The following KIZ variants were observed in gnomAD, a reference collection of about 807,000 sequenced individuals.
KIZ encodes the protein kizuna centrosomal protein.
A neutral mutation model predicts 79.6 loss-of-function variants in KIZ; 68 were observed. The ratio of observed to expected loss-of-function variants is 0.85; its 90% confidence interval spans 0.70 to 1.05. KIZ has a LOEUF of 1.05. Ranked by LOEUF, KIZ falls within the 50% of genes least tolerant of loss-of-function variation. The probability of loss-of-function intolerance (pLI) is 0.00; values close to 1 mark genes in which losing one functional copy is unlikely to be tolerated. For missense variants in KIZ, 797 were observed against 800.4 expected (o/e 1.00, Z 0.05); for synonymous variants, 280 against 281.8 (o/e 0.99, Z 0.06).
chr20:21,222,665 C>A (rs893071235), intron 9 of KIZ, among the ~76,000 whole-genome samples: 2 of 152,182 alleles, frequency 1.3e-5, no homozygotes, highest in South Asian at 4.1e-4. Context: ...AGGGCCCTTG[C>A]CTCTGAAGGT....
In KIZ at chr20:21,232,981, T is replaced by C. The variant is rs530129659; in HGVS notation, c.1880+151T>C. On this transcript the variant is annotated intron_variant, in intron 11 of 12. Coordinates refer to ENST00000619189, the MANE Select transcript of KIZ (RefSeq NM_018474.6). ...TTATCTAAAATAACAGTTGAAACTT[T>C]AGTCTACCTTTGAAAATATTTGCAC... The C allele has an allele frequency of 5.0e-6, 3 of 601,488 alleles. No homozygotes were observed. The East Asian group carries it at 8.4e-5, about 17-fold the overall frequency. The allele number at this position is 601,488 out of a possible 1,614,324, so 37.3% of individuals were successfully genotyped here. A position where few individuals can be genotyped will look rare whatever the true frequency, so the allele number is the denominator to read the frequency against.
chr20:21,138,908 T>G (rs1014554098), intron 3 of KIZ: 2 of 150,462 alleles, frequency 1.3e-5, no homozygotes, highest in Non-Finnish European at 3.0e-5. Flanking sequence ...GTTTTCCCCC[T>G]TTTCTTTCTT....
At chr20:21,188,924 G>C (rs1600490809) in intron 6 of KIZ, among the ~76,000 whole-genome samples, 1 of 151,906 alleles carries the variant, frequency 6.6e-6, no homozygotes, top group Non-Finnish European at 1.5e-5. Context: ...CAGCCAGGAT[G>C]GTCTCGATCT....
chr20:21,143,469 A>G (rs914426477), intron 3 of KIZ, among the ~76,000 whole-genome samples: 4 of 152,226 alleles, frequency 2.6e-5, no homozygotes, highest in African/African-American at 9.7e-5. Context: ...AATCCCAGAG[A>G]CCTGAAACTT....
intron 6 of KIZ, chr20:21,195,999 A>G (rs1459870263): frequency 6.6e-6 from 1 of 152,588 alleles, no homozygotes; most frequent in East Asian, 1.9e-4. Context: ...CCTACAGCAC[A>G]AAGTCAGTCT....
At chr20:21,202,522 C>A (rs1025175152) in intron 6 of KIZ, 2 of 152,158 alleles carry the variant, frequency 1.3e-5, no homozygotes, top group Middle Eastern at 3.2e-3. Flanking sequence ...TCAAAGGATT[C>A]CAATGACTCA....
Position 21,161,948 on chromosome 20 carries a change from C to T in KIZ, c.483C>T (p.Gly161=). Residue 161 remains glycine (G), a synonymous_variant, in exon 5 of 13, where the codon GGC becomes GGT. Coordinates refer to ENST00000619189, the MANE Select transcript of KIZ (RefSeq NM_018474.6). ...GLYQPATIFM[G]RQMSAILSMR... ...ATCAACCAGCAACAATCTTTATGGG[C>T]CGCCAAATGTCAGCCATCTTAAGCA... is the stretch of plus-strand genomic sequence containing the variant. 1 of 1,613,520 alleles carries T rather than the reference C, an allele frequency of 6.2e-7. No individual in the cohort carries two copies. The highest frequency in any genetic ancestry group is 1.6e-4 in the Middle Eastern group (1 of 6,062).
chr20:21,208,015 G>A lies in KIZ; in HGVS notation c.1446+2431G>A, dbSNP rs182959132. On this transcript the variant is annotated intron_variant, in intron 7 of 12. Coordinates refer to ENST00000619189, the MANE Select transcript of KIZ (RefSeq NM_018474.6). ...CAGATATGAGCCACCACGCCCAGCCGATGAACGTAGATCTTAAGAAAGATA... is the reference window on the plus strand; with the variant it reads ...CAGATATGAGCCACCACGCCCAGCCAATGAACGTAGATCTTAAGAAAGATA... Among the ~76,000 whole-genome samples, 813 of 152,096 alleles carry A rather than the reference G, an allele frequency of 5.3e-3. 2 individuals are homozygous for A. The highest frequency in any genetic ancestry group is 9.0e-3 in the Non-Finnish European group (614 of 67,956).
chr20:21,246,410 C>T (rs1385544799), intron 12 of KIZ, 69 bp from the exon 13 acceptor site: 1 of 906,602 alleles, frequency 1.1e-6, no homozygotes, highest in Non-Finnish European at 1.8e-6. Flanking sequence ...TCCTTCCGTG[C>T]TGTGCTGTTT....
Position 21,244,274 on chromosome 20 carries a change from A to C in KIZ, c.1910A>C (p.Asn637Thr). Residue 637 changes from asparagine to threonine, a missense_variant, in exon 12 of 13, where the codon AAT becomes ACT. Asn to Thr is a moderately conservative substitution (Grantham distance 65). Transcript: ENST00000619189. Reference sequence around the variant, plus strand: ...GAAAACAAAAAGAAACCCGTGATCAATTTAAAATCTAATGGTGAGAGAGAT... The same window carrying C: ...GAAAACAAAAAGAAACCCGTGATCACTTTAAAATCTAATGGTGAGAGAGAT... ...RHENKKKPVI[N>T]LKSNALWDES... The C allele has an allele frequency of 6.2e-7, 1 of 1,601,716 alleles. No homozygotes were observed. Among genetic ancestry groups the C allele is most frequent in the Admixed American group, 1.7e-5 (1 of 59,830 alleles).
At chr20:21,204,177 G>A (rs1000123334) in intron 6 of KIZ, among the ~76,000 whole-genome samples, 1 of 143,644 alleles carries the variant, frequency 7.0e-6, no homozygotes, top group African/African-American at 2.6e-5. Context: ...GTGCAGTGGC[G>A]GGATCTCGGC....
At position 21,238,390 on chromosome 20, in the gene KIZ, A is replaced by AGTGT. The variant is rs371646503; in HGVS notation, c.1880+5572_1880+5575dup. Among the ~76,000 whole-genome samples the AGTGT allele has an allele frequency of 2.5e-3, 371 of 149,072 alleles. 1 individual carries two copies. Among genetic ancestry groups the AGTGT allele is most frequent in the African/African-American group, 8.7e-3 (351 of 40,428 alleles). ...GTGAGAGGGTGTGAGTGTGTGAGAG[A>AGTGT]GTGTGTGTGTGTGTGAATGTGTGTG... On this transcript the variant is annotated intron_variant, in intron 11 of 12. Coordinates refer to ENST00000619189, the MANE Select transcript of KIZ (RefSeq NM_018474.6).
intron 2 of KIZ, chr20:21,133,194 C>G (rs1217831442): frequency 6.6e-6 from 1 of 152,192 alleles, no homozygotes; most frequent in African/African-American, 2.4e-5. Flanking sequence ...GTCAAATTAC[C>G]TATTAGGTCA....
intron 4 of KIZ, among the ~76,000 whole-genome samples, chr20:21,154,346 C>T (rs2033268716): frequency 6.6e-6 from 1 of 152,112 alleles, no homozygotes; most frequent in African/African-American, 2.4e-5. Flanking sequence ...CAGTTCTAAA[C>T]TTGTTGATCT....
chr20:21,176,869 T>C (rs1017607430), intron 6 of KIZ, among the ~76,000 whole-genome samples: 1 of 152,210 alleles, frequency 6.6e-6, no homozygotes, highest in Non-Finnish European at 1.5e-5. Flanking sequence ...GGTAGAGAAA[T>C]TATGTCTAGC....
chr20:21,141,410 A>C (rs577692738), intron 3 of KIZ, among the ~76,000 whole-genome samples: 8 of 152,338 alleles, frequency 5.3e-5, no homozygotes, highest in African/African-American at 1.9e-4. Context: ...ATATGTGTCC[A>C]GCAGCTCCTA....
intron 6 of KIZ, among the ~76,000 whole-genome samples, chr20:21,183,464 G>T (rs2034743099): frequency 6.6e-6 from 1 of 152,200 alleles, no homozygotes; most frequent in Non-Finnish European, 1.5e-5. Flanking sequence ...CAGCTCTGTG[G>T]TGCTTGCTGT....
chr20:21,192,011 C>T (rs996187757), intron 6 of KIZ, among the ~76,000 whole-genome samples: 2 of 152,004 alleles, frequency 1.3e-5, no homozygotes, highest in Admixed American at 6.6e-5. Context: ...CTTCTGCCGG[C>T]GGGGAGGGGT....
chr20:21,128,614 C>T (rs184025642), intron 1 of KIZ, among the ~76,000 whole-genome samples: 9 of 152,266 alleles, frequency 5.9e-5, no homozygotes, highest in Admixed American at 1.3e-4. Flanking sequence ...TATGTGTGTA[C>T]AGTGTTTTTT....
Sources: allele counts gnomAD v4.1 joint callset (sites outside exome capture counted in the v4.1 genomes callset), GRCh38; gene constraint gnomAD v4.1.1; transcripts MANE v1.5; gene names NCBI Gene and HGNC (gene_info 2026-07-23, HGNC 2026-07-21).